CASK: variants seen among roughly 807,000 people sequenced by gnomAD.
CASK encodes calcium/calmodulin dependent serine protein kinase.
CASK carries 4 observed loss-of-function variants against 82.9 expected under a neutral mutation model. The observed-to-expected ratio is 0.05, with a 90% CI of 0.02 to 0.11. CASK has a LOEUF of 0.11. CASK is among the 10% of genes least tolerant of loss of function. The probability of loss-of-function intolerance (pLI) is 1.00; values close to 1 mark genes in which losing one functional copy is unlikely to be tolerated. For synonymous variants in CASK, 259 were observed against 253.5 expected (o/e 1.02, Z -0.20); for missense variants, 358 against 720.9 (o/e 0.50, Z 5.76).
At chrX:41,672,868 G>C (rs1238693863) in intron 5 of CASK, among the ~76,000 whole-genome samples, 1 of 112,349 alleles carries the variant, frequency 8.9e-6, no homozygotes, top group South Asian at 3.7e-4. Context: ...GTCTATGGGA[G>C]AGCAGGCAAA....
At chrX:41,614,486 T>C (rs1194249665) in intron 11 of CASK, among the ~76,000 whole-genome samples, 1 of 112,107 alleles carries the variant, frequency 8.9e-6, no homozygotes, top group East Asian at 2.8e-4. Context: ...TGTACCAGTT[T>C]GTTTGACCAT....
chrX:41,816,914 T>C (rs974982575), intron 2 of CASK, among the ~76,000 whole-genome samples: 1 of 110,820 alleles, frequency 9.0e-6, no homozygotes, highest in African/African-American at 3.3e-5. Flanking sequence ...CATGAAGAAA[T>C]AATACCACAT....
intron 11 of CASK, among the ~76,000 whole-genome samples, chrX:41,622,081 GCC>G (rs1008065842): frequency 1.8e-5 from 2 of 111,945 alleles, no homozygotes; most frequent in Non-Finnish European, 3.8e-5. Context: ...CTCAAATTAT[GCC>G]CCTTTGTAAT....
At position 41,633,052 on chromosome X, in the gene CASK, A is replaced by AT. The variant is rs1569354982; in HGVS notation, c.915+3525_915+3526insA. Among the ~76,000 whole-genome samples, 123 of 100,897 alleles carry AT rather than the reference A, an allele frequency of 1.2e-3. 1 individual carries two copies. The highest frequency in any genetic ancestry group is 4.1e-3 in the African/African-American group (119 of 29,320). 87.6% of individuals were successfully genotyped at this position (100,897 alleles called of 115,157 possible). ...GAGTAAGACTCTCTCAAAAAAAAAAAAAAAAATAATAATAATAATAAAGAA... is the reference window on the plus strand; with the variant it reads ...GAGTAAGACTCTCTCAAAAAAAAAAATAAAAAATAATAATAATAATAAAGAA... On this transcript the variant is annotated intron_variant, in intron 9 of 26. Coordinates refer to ENST00000378163, the MANE Select transcript of CASK (RefSeq NM_001367721.1).
intron 8 of CASK, among the ~76,000 whole-genome samples, chrX:41,646,902 G>A (rs749189999): frequency 1.1e-4 from 12 of 111,684 alleles, no homozygotes; most frequent in African/African-American, 3.9e-4. Context: ...CTAGACCTTA[G>A]GTATCCTCCC....
chrX:41,700,257 C>A (rs1284081518), intron 5 of CASK, among the ~76,000 whole-genome samples: 6 of 111,486 alleles, frequency 5.4e-5, no homozygotes. Context: ...AAAATGGATT[C>A]TTTATTCCTG....
At chrX:41,904,841 T>C (rs1436987779) in intron 1 of CASK, among the ~76,000 whole-genome samples, 1 of 111,411 alleles carries the variant, frequency 9.0e-6, no homozygotes, top group African/African-American at 3.3e-5. Flanking sequence ...GAACATGTGG[T>C]ATTTGGTTTT....
Position 41,709,433 on chromosome X carries a change from T to C in CASK, c.429+29951A>G, listed in dbSNP as rs769651474. 9.3e-4 allele frequency among the ~76,000 whole-genome samples: 104 copies of C among 112,060 alleles called. 1 individual carries two copies. The highest frequency in any genetic ancestry group is 3.2e-3 in the African/African-American group (99 of 30,906). On this transcript the variant is annotated intron_variant, in intron 5 of 26. Transcript: ENST00000378163. ...TGGTCATTGGGGATAGCTGGTCTCC[T>C]TATTTAAAGCAATAAACTAGATTCT...
intron 5 of CASK, among the ~76,000 whole-genome samples, chrX:41,724,862 T>A (rs763856995): frequency 2.7e-5 from 3 of 112,184 alleles, no homozygotes; most frequent in Non-Finnish European, 5.6e-5. Flanking sequence ...CTATGCATTA[T>A]CTGCACAAGG....
intron 3 of CASK, chrX:41,786,850 C>A: frequency 4.4e-6 from 1 of 228,156 alleles, no homozygotes; most frequent in Non-Finnish European, 7.9e-6. Flanking sequence ...TGGATGCCTC[C>A]ACTTTCATCC....
intron 8 of CASK, among the ~76,000 whole-genome samples, chrX:41,642,239 A>T (rs778914423): frequency 8.9e-6 from 1 of 111,881 alleles, no homozygotes; most frequent in Non-Finnish European, 1.9e-5. Flanking sequence ...AGCATGATTT[A>T]TAATCCTTTG....
At chrX:41,862,796 T>C (rs2071519050) in intron 1 of CASK, among the ~76,000 whole-genome samples, 1 of 111,414 alleles carries the variant, frequency 9.0e-6, no homozygotes, top group Admixed American at 9.5e-5. Flanking sequence ...GATAACACAG[T>C]GAATGATTAG....
chrX:41,556,900 C>T, intron 19 of CASK, 132 bp downstream of exon 19: 1 of 540,066 alleles, frequency 1.9e-6, no homozygotes, highest in South Asian at 2.5e-5. Flanking sequence ...GAGTAAAGTG[C>T]ATTGTAGCTG....
At chrX:41,896,262 C>T (rs950637897) in intron 1 of CASK, among the ~76,000 whole-genome samples, 2 of 111,733 alleles carry the variant, frequency 1.8e-5, no homozygotes, top group South Asian at 3.8e-4. Context: ...TCAATCACAC[C>T]ACATGAGGTC....
chrX:41,727,913 G>C, intron 5 of CASK: 1 of 1,201,202 alleles, frequency 8.3e-7, no homozygotes, highest in East Asian at 3.0e-5. Context: ...ATTCTCACCT[G>C]TCTTGCTTCG....
intron 21 of CASK, among the ~76,000 whole-genome samples, chrX:41,544,372 C>G (rs1198016626): frequency 9.1e-6 from 1 of 110,409 alleles, no homozygotes; most frequent in African/African-American, 3.3e-5. Context: ...TTCACACGAG[C>G]CTGGGCAACA....
At position 41,520,229 on chromosome X, in the gene CASK, T is replaced by C; in HGVS notation, c.*191A>G. 1 of 390,989 alleles carries C rather than the reference T, an allele frequency of 2.6e-6. No homozygotes were observed. Among genetic ancestry groups the C allele is most frequent in the South Asian group, 5.8e-5 (1 of 17,366 alleles). The allele number at this position is 390,989 out of a possible 1,213,427, so 32.2% of individuals were successfully genotyped here. ...TAGGAGAACTGATTAAAAAAGATAC[T>C]GTCTCTTTAAATTAGTGTGTAATTG... On this transcript the variant is annotated 3_prime_UTR_variant, in exon 27 of 27. Coordinates refer to ENST00000378163, the MANE Select transcript of CASK (RefSeq NM_001367721.1).
chrX:41,860,104 A>G (rs1266066235), intron 1 of CASK, among the ~76,000 whole-genome samples: 1 of 111,370 alleles, frequency 9.0e-6, no homozygotes, highest in Admixed American at 9.5e-5. Context: ...TAGGCCCTCA[A>G]AAAATATCTG....
At chrX:41,765,362 AGTGCTG>A (rs2069091265) in intron 3 of CASK, among the ~76,000 whole-genome samples, 1 of 112,471 alleles carries the variant, frequency 8.9e-6, no homozygotes, top group Non-Finnish European at 1.9e-5. Context: ...ACCCTCAGAC[AGTGCTG>A]GTGGCGATGC....
Sources: gnomAD v4.1 joint callset for allele counts (sites outside exome capture counted in the v4.1 genomes callset) on GRCh38, gnomAD v4.1.1 for gene constraint, MANE v1.5 for transcripts, NCBI Gene and HGNC (gene_info 2026-07-23, HGNC 2026-07-21) for gene names.